The following DPH6 variants were observed in gnomAD, a reference collection of about 807,000 sequenced individuals.
DPH6 encodes diphthamine biosynthesis 6.
A neutral mutation model predicts 38.2 loss-of-function variants in DPH6; 33 were observed. The ratio of observed to expected loss-of-function variants is 0.86; its 90% CI spans 0.65 to 1.15. The LOEUF is 1.15. Among genes scored for constraint, DPH6 ranks in the 50% most tolerant of loss-of-function variants. DPH6 has a pLI of 0.00. For missense variants in DPH6, 325 were observed against 320.0 expected (o/e 1.02, Z -0.12); for synonymous variants, 108 against 103.0 (o/e 1.05, Z -0.30).
At chr15:35,192,670 G>T in the DPH6 span, among the ~76,000 whole-genome samples, 2 of 152,062 alleles carry the variant, frequency 1.3e-5, no homozygotes, top group Admixed American at 6.6e-5. Context: ...ATCTTTATAG[G>T]ATTCTTTGTT....
chr15:35,474,222 A>G (rs1281464607), intron 3 of DPH6, among the ~76,000 whole-genome samples: 1 of 152,078 alleles, frequency 6.6e-6, no homozygotes, highest in Non-Finnish European at 1.5e-5. Flanking sequence ...ACCAAGTTAA[A>G]TTTTTCCCCT....
intron 3 of DPH6, among the ~76,000 whole-genome samples, chr15:35,312,161 G>A (rs966969322): frequency 4.6e-5 from 7 of 151,950 alleles, no homozygotes; most frequent in Non-Finnish European, 7.4e-5. Context: ...ATTTTATGAC[G>A]CATGCAATTA....
At chr15:35,522,622 T>C (rs1005408449) in intron 3 of DPH6, among the ~76,000 whole-genome samples, 5 of 152,126 alleles carry the variant, frequency 3.3e-5, no homozygotes, top group Admixed American at 6.6e-5. Context: ...TGACATCCTG[T>C]TGATTTGATA....
chr15:35,285,872 GTTT>G (rs67243158), intron 3 of DPH6, among the ~76,000 whole-genome samples: 5 of 52,796 alleles, frequency 9.5e-5, no homozygotes, highest in African/African-American at 2.2e-4. Flanking sequence ...TTATCTTTGA[GTTT>G]TTTTTTTTTT....
intron 3 of DPH6, among the ~76,000 whole-genome samples, chr15:35,253,858 C>T (rs971918285): frequency 6.6e-6 from 1 of 152,220 alleles, no homozygotes; most frequent in African/African-American, 2.4e-5. Context: ...ACGTCAACAA[C>T]AAATTGTCAT....
chr15:35,520,257 A>G (rs1252665112), intron 3 of DPH6: 8 of 934,242 alleles, frequency 8.6e-6, no homozygotes, highest in Middle Eastern at 5.5e-4. Context: ...AAGAAGAATC[A>G]AAACTGAAAT....
intron 3 of DPH6, among the ~76,000 whole-genome samples, chr15:35,312,243 A>T (rs1325096701): frequency 6.6e-6 from 1 of 152,218 alleles, no homozygotes. Flanking sequence ...ATAAGAAATT[A>T]TTTGCTGAAT....
At chr15:35,444,654 A>G (rs80315390) in intron 5 of DPH6, among the ~76,000 whole-genome samples, 5,648 of 152,292 alleles carry the variant, frequency 0.037, 126 homozygotes, top group East Asian at 0.094. Flanking sequence ...ACATAAGAGT[A>G]TAAGCCCTCT....
At chr15:35,366,313 A>C (rs942157549), downstream of DPH6, among the ~76,000 whole-genome samples, 1 of 151,188 alleles carries the variant, frequency 6.6e-6, no homozygotes, top group Admixed American at 6.6e-5. Context: ...TAACTATAGG[A>C]TCAACTAGAT....
chr15:35,229,106 A>T (rs1409128100), intron 3 of DPH6, among the ~76,000 whole-genome samples: 1 of 152,006 alleles, frequency 6.6e-6, no homozygotes, highest in Admixed American at 6.5e-5. Flanking sequence ...TGTTTGAAAA[A>T]TTCTCTGTTA....
intron 3 of DPH6, among the ~76,000 whole-genome samples, chr15:35,233,080 G>T (rs1219490048): frequency 6.6e-6 from 1 of 152,140 alleles, no homozygotes; most frequent in Non-Finnish European, 1.5e-5. Context: ...GGCTGCGGTG[G>T]GGGGATCACT....
chr15:35,171,311 C>T, the DPH6 span, among the ~76,000 whole-genome samples: 1 of 152,240 alleles, frequency 6.6e-6, no homozygotes, highest in Non-Finnish European at 1.5e-5. Flanking sequence ...CACTGCATCA[C>T]ACTTGTGTGG....
At chr15:35,446,313 C>T (rs756789315) in intron 5 of DPH6, among the ~76,000 whole-genome samples, 27 of 146,342 alleles carry the variant, frequency 1.8e-4, no homozygotes, top group Non-Finnish European at 3.1e-4. Flanking sequence ...TCACTGAGGC[C>T]TTGACTTCCC....
chr15:35,214,602 T>A (rs1252826331), downstream of DPH6, among the ~76,000 whole-genome samples: 2 of 152,186 alleles, frequency 1.3e-5, no homozygotes, highest in Non-Finnish European at 2.9e-5. Flanking sequence ...TTCATCTGAA[T>A]CACGGATAAA....
rs1260331097 is a variant in DPH6 at position 35,404,555 on chromosome 15, C to A, written c.567+6280G>T. Among the ~76,000 whole-genome samples, 12 of 152,166 alleles carry A rather than the reference C, an allele frequency of 7.9e-5. No individual in the cohort carries two copies. The East Asian group carries it at 1.5e-3, about 20-fold the overall frequency. On this transcript the variant is annotated intron_variant, in intron 6 of 8. Transcript: ENST00000256538. ...GAACTGTCCATTCAATTCTTTTGTCCATTTTTGAATTGGATCATTAGATTT... is the reference window on the plus strand; with the variant it reads ...GAACTGTCCATTCAATTCTTTTGTCAATTTTTGAATTGGATCATTAGATTT...
chr15:35,183,506 A>T, the DPH6 span, among the ~76,000 whole-genome samples: 1 of 152,252 alleles, frequency 6.6e-6, no homozygotes, highest in African/African-American at 2.4e-5. Flanking sequence ...TAATCAGAAA[A>T]CTATAAAAAT....
chr15:35,306,868 C>T (rs1393074224), intron 3 of DPH6, among the ~76,000 whole-genome samples: 8 of 152,152 alleles, frequency 5.3e-5, no homozygotes, highest in African/African-American at 1.9e-4. Flanking sequence ...AAGTCAGGCT[C>T]AGACTGAGAA....
intron 6 of DPH6, among the ~76,000 whole-genome samples, chr15:35,390,201 C>A (rs146457520): frequency 6.6e-6 from 1 of 152,148 alleles, no homozygotes; most frequent in Non-Finnish European, 1.5e-5. Context: ...AGAATTCTGT[C>A]GAGATATCAG....
At chr15:35,450,145 C>T (rs951043592) in intron 5 of DPH6, among the ~76,000 whole-genome samples, 24 of 152,214 alleles carry the variant, frequency 1.6e-4, no homozygotes, top group African/African-American at 5.8e-4. Context: ...TCTATGCTAA[C>T]TAATCAGATA....
Sources: gnomAD v4.1 joint callset for allele counts (sites outside exome capture counted in the v4.1 genomes callset) on GRCh38, gnomAD v4.1.1 for gene constraint, MANE v1.5 for transcripts, NCBI Gene and HGNC (gene_info 2026-07-23, HGNC 2026-07-21) for gene names.